The following TEKT5 variants were observed in gnomAD, a reference collection of about 807,000 sequenced individuals.
TEKT5 encodes the protein tektin-5.
In TEKT5, 52 loss-of-function variants were observed where a neutral mutation model predicts 48.7. The observed-to-expected ratio is 1.07, with a 90% CI of 0.86 to 1.35. TEKT5 has a LOEUF of 1.35. Ranked by LOEUF, TEKT5 falls within the 40% of genes most tolerant of loss-of-function variation. The pLI, the probability that TEKT5 is intolerant of heterozygous loss-of-function variation, is 0.00. For missense variants in TEKT5, 831 were observed against 641.6 expected (o/e 1.30, Z -3.19); for synonymous variants, 318 against 267.6 (o/e 1.19, Z -1.84).
intron 5 of TEKT5, among the ~76,000 whole-genome samples, chr16:10,666,578 C>T (rs1405027852): frequency 6.6e-6 from 1 of 152,206 alleles, no homozygotes; most frequent in East Asian, 1.9e-4. Context: ...CTGACAACCA[C>T]TACAGTGAAG....
At chr16:10,628,404 C>G (rs1232324633) in intron 6 of TEKT5, among the ~76,000 whole-genome samples, 1 of 152,220 alleles carries the variant, frequency 6.6e-6, no homozygotes, top group East Asian at 1.9e-4. Context: ...ACTTACCACA[C>G]AGTCCAGCAG....
intron 5 of TEKT5, among the ~76,000 whole-genome samples, chr16:10,654,004 GTGTGTGTGTGCA>G (rs1324463013): frequency 2.1e-5 from 3 of 139,936 alleles, no homozygotes; most frequent in African/African-American, 3.1e-5. Flanking sequence ...GTGAACGTGT[GTGTGTGTGTGCA>G]TGTGTGTGTG....
intron 3 of TEKT5, among the ~76,000 whole-genome samples, chr16:10,687,195 A>T (rs1898876987): frequency 6.6e-6 from 1 of 152,210 alleles, no homozygotes. Flanking sequence ...TGTTCTTGAA[A>T]ATCACTGAGC....
At chr16:10,634,466 T>C (rs1470314235) in intron 6 of TEKT5, among the ~76,000 whole-genome samples, 3 of 152,074 alleles carry the variant, frequency 2.0e-5, no homozygotes, top group African/African-American at 7.2e-5. Flanking sequence ...ATGGAGCAAA[T>C]GAGCAGCTGA....
chr16:10,689,521 CTTTTTTT>C (rs35713504), intron 2 of TEKT5, among the ~76,000 whole-genome samples, 198 bp from the exon 3 acceptor site: 1 of 105,544 alleles, frequency 9.5e-6, no homozygotes, highest in Non-Finnish European at 1.9e-5. Context: ...GAGGCTCCAC[CTTTTTTT>C]TTTTTTTTTT....
intron 1 of TEKT5, chr16:10,690,787 G>C (rs1898958661): frequency 1.0e-6 from 1 of 985,414 alleles, no homozygotes; most frequent in East Asian, 1.1e-4. Flanking sequence ...ACAAACAGCA[G>C]TGATTAGCAA....
At position 10,676,051 on chromosome 16, in the gene TEKT5, A is replaced by C; in HGVS notation, c.994T>G (p.Trp332Gly). The part of the protein sequence containing the change: ...HLFETLSDQM[W>G]RQFTDTNLAF... ...AGGTTGGTGTCTGTGAACTGCCTCCACATCTGATCCGACAAGGTCTCAAAG... is the reference window on the plus strand; with the variant it reads ...AGGTTGGTGTCTGTGAACTGCCTCCCCATCTGATCCGACAAGGTCTCAAAG... The change falls in exon 5 of 7, where the codon TGG becomes GGG. Residue 332 changes from tryptophan to glycine, a missense_variant. By Grantham distance (184) the Trp-to-Gly change is radical. Transcript: ENST00000283025. 1 of 1,614,198 alleles carries C rather than the reference A, an allele frequency of 6.2e-7. No individual in the cohort carries two copies.
chr16:10,689,131 C>T, intron 3 of TEKT5, 122 bp downstream of exon 3: 2 of 679,498 alleles, frequency 2.9e-6, no homozygotes, highest in South Asian at 4.0e-5. Flanking sequence ...CATTTACCAG[C>T]ATACCACTGA....
chr16:10,643,119 G>A (rs1261055359), intron 5 of TEKT5, among the ~76,000 whole-genome samples: 1 of 152,158 alleles, frequency 6.6e-6, no homozygotes, highest in African/African-American at 2.4e-5. Context: ...GGTGGCTCAT[G>A]CCTGTAATCC....
chr16:10,679,712 T>A (rs1327568499), intron 4 of TEKT5, among the ~76,000 whole-genome samples: 1 of 151,708 alleles, frequency 6.6e-6, no homozygotes, highest in Non-Finnish European at 1.5e-5. Context: ...CTGACCAACA[T>A]GCAGAAACCC....
At chr16:10,670,492 C>G (rs1477464137) in intron 5 of TEKT5, among the ~76,000 whole-genome samples, 1 of 152,152 alleles carries the variant, frequency 6.6e-6, no homozygotes, top group Non-Finnish European at 1.5e-5. Flanking sequence ...GCACTCCAGC[C>G]TGCACGATAG....
At chr16:10,693,296 T>C (rs1352169447) in intron 1 of TEKT5, among the ~76,000 whole-genome samples, 4 of 152,218 alleles carry the variant, frequency 2.6e-5, no homozygotes, top group African/African-American at 9.7e-5. Context: ...GGTTTCATCA[T>C]GTTGACCAGG....
At chr16:10,637,157 T>TA (rs1408261368) in intron 5 of TEKT5, among the ~76,000 whole-genome samples, 1 of 150,820 alleles carries the variant, frequency 6.6e-6, no homozygotes, top group African/African-American at 2.5e-5. Flanking sequence ...AATTTTTTTT[T>TA]ATATTTTTAG....
At chr16:10,690,668 C>G in intron 1 of TEKT5, 1 of 985,408 alleles carries the variant, frequency 1.0e-6, no homozygotes, top group Non-Finnish European at 1.2e-6. Context: ...GTGGTCAGGA[C>G]AACCCTGCCA....
chr16:10,636,060 G>T, intron 5 of TEKT5, 142 bp from the exon 6 acceptor site: 1 of 1,306,342 alleles, frequency 7.7e-7, no homozygotes, highest in Non-Finnish European at 1.0e-6. Flanking sequence ...GCACCTTTAG[G>T]GCAGGAAGCT....
chr16:10,676,232 T>C, intron 4 of TEKT5, 51 bp from the exon 5 acceptor site: 2 of 1,582,580 alleles, frequency 1.3e-6, no homozygotes, highest in Non-Finnish European at 1.7e-6. Context: ...CCTCAGAATC[T>C]GTGGTTTCTC....
At chr16:10,682,667 G>A (rs554589794) in intron 3 of TEKT5, among the ~76,000 whole-genome samples, 37 of 152,306 alleles carry the variant, frequency 2.4e-4, no homozygotes, top group African/African-American at 7.5e-4. Context: ...AGCACTTACC[G>A]TAAAGGGTTA....
At chr16:10,668,104 CTT>C (rs1469006945) in intron 5 of TEKT5, among the ~76,000 whole-genome samples, 1 of 152,162 alleles carries the variant, frequency 6.6e-6, no homozygotes, top group African/African-American at 2.4e-5. Context: ...ATCTGGAACT[CTT>C]GACCTCAGGT....
chr16:10,641,360 G>C (rs184558992), intron 5 of TEKT5, among the ~76,000 whole-genome samples: 1 of 152,072 alleles, frequency 6.6e-6, no homozygotes, highest in Non-Finnish European at 1.5e-5. Flanking sequence ...CTCCTCCCAT[G>C]GTCCCCAAGC....
Sources: gnomAD v4.1 joint callset for allele counts (sites outside exome capture counted in the v4.1 genomes callset) on GRCh38, gnomAD v4.1.1 for gene constraint, MANE v1.5 for transcripts, NCBI Gene and HGNC (gene_info 2026-07-23, HGNC 2026-07-21) for gene names.